The following UPRT variants were observed in gnomAD, a reference collection of about 807,000 sequenced individuals.
UPRT encodes uracil phosphoribosyltransferase homolog.
A neutral mutation model predicts 22.6 loss-of-function variants in UPRT; 5 were observed. The ratio of observed to expected loss-of-function variants is 0.22; its 90% CI spans 0.12 to 0.47. UPRT has a LOEUF of 0.47. Among genes scored for constraint, UPRT ranks in the 20% least tolerant of loss-of-function variants. The probability of loss-of-function intolerance (pLI) is 0.99; values close to 1 mark genes in which losing one functional copy is unlikely to be tolerated. For missense variants in UPRT, 181 were observed against 239.9 expected (o/e 0.75, Z 1.62); for synonymous variants, 77 against 87.7 (o/e 0.88, Z 0.68).
chrX:75,171,955 T>C (rs746110107), intron 4 of UPRT, among the ~76,000 whole-genome samples: 13 of 111,697 alleles, frequency 1.2e-4, no homozygotes, highest in Non-Finnish European at 2.1e-4. Context: ...CTCTCAGCCA[T>C]GGATACCAGC....
At chrX:75,274,072 GC>G, upstream of UPRT, 1 of 592,496 alleles carries the variant, frequency 1.7e-6, no homozygotes, top group Non-Finnish European at 2.5e-6. Context: ...TCTGGTGTGG[GC>G]GGGAGTGAGC....
intron 4 of UPRT, among the ~76,000 whole-genome samples, chrX:75,251,009 C>CCATTTTT (rs1343446761): frequency 1.8e-5 from 2 of 111,932 alleles, no homozygotes; most frequent in Non-Finnish European, 3.8e-5. Context: ...CAAAATTCAA[C>CCATTTTT]AGCCATTCAT....
intron 4 of UPRT, among the ~76,000 whole-genome samples, chrX:75,215,185 C>T (rs780814950): frequency 9.9e-5 from 11 of 111,018 alleles, no homozygotes; most frequent in Non-Finnish European, 1.9e-4. Context: ...AATGAAATGA[C>T]AGCTGATCCA....
chrX:75,282,953 T>A (rs1307446863), intron 1 of UPRT, among the ~76,000 whole-genome samples: 2 of 111,800 alleles, frequency 1.8e-5, no homozygotes, highest in East Asian at 5.6e-4. Context: ...ATTTGGGAGG[T>A]CCTATGTTAG....
intron 4 of UPRT, among the ~76,000 whole-genome samples, chrX:75,184,750 A>C (rs759583164): frequency 1.0e-4 from 11 of 110,040 alleles, no homozygotes; most frequent in African/African-American, 3.6e-4. Flanking sequence ...CATCCCTTGT[A>C]AGTTGGATTC....
chrX:75,216,127 AAC>A (rs752276993), intron 4 of UPRT, among the ~76,000 whole-genome samples: 64 of 112,181 alleles, frequency 5.7e-4, no homozygotes, highest in African/African-American at 2.0e-3. Flanking sequence ...ATAAAACATT[AAC>A]ACATCAAATC....
intron 4 of UPRT, among the ~76,000 whole-genome samples, chrX:75,231,287 A>T (rs1035876447): frequency 8.9e-6 from 1 of 112,281 alleles, no homozygotes; most frequent in African/African-American, 3.2e-5. Flanking sequence ...GAAAGCACAC[A>T]TAGAGAAATG....
At chrX:75,249,212 T>C (rs1187740377) in intron 4 of UPRT, among the ~76,000 whole-genome samples, 6 of 111,473 alleles carry the variant, frequency 5.4e-5, no homozygotes, top group African/African-American at 2.0e-4. Context: ...ATAACAATAT[T>C]AACCTTAAAT....
Position 75,256,635 on chromosome X carries a change from GA to G in UPRT, c.-446-34380del, listed in dbSNP as rs1255774433. On this transcript the variant is annotated intron_variant, in intron 4 of 13. Transcript: ENST00000652605. ...ATAGGTCGTTAGCAAGATTAGCCAA[GA>G]AAAAAAAAGAGAAAATCCAAATAAA... Among the ~76,000 whole-genome samples, 4 of 108,533 alleles carry G rather than the reference GA, an allele frequency of 3.7e-5. No homozygotes were observed. The Admixed American group carries it at 3.9e-4, about 11-fold the overall frequency. 94.2% of individuals were successfully genotyped at this position (108,533 alleles called of 115,157 possible).
rs1472310698 is a variant in UPRT at position 75,274,318 on chromosome X, T to G, written c.64T>G (p.Ser22Ala). 1 of 1,211,609 alleles carries G rather than the reference T, an allele frequency of 8.3e-7. No homozygotes were observed. Among genetic ancestry groups the G allele is most frequent in the Admixed American group, 2.2e-5 (1 of 46,034 alleles). Residue 22 changes from serine to alanine, a missense_variant, in exon 1 of 7, where the codon TCA becomes GCA. Ser to Ala is a moderately conservative substitution (Grantham distance 99). Transcript: ENST00000373383. Reference protein sequence around the residue: ...PCHNQQVNSASTPSPEQLRPG... With the variant: ...PCHNQQVNSAATPSPEQLRPG... ...TCACAACCAGCAAGTAAACTCTGCC[T>G]CAACCCCAAGTCCCGAGCAGCTGCG...
chrX:75,197,526 A>T (rs190912211), intron 4 of UPRT, among the ~76,000 whole-genome samples: 12 of 112,255 alleles, frequency 1.1e-4, no homozygotes, highest in African/African-American at 3.9e-4. Flanking sequence ...TCTAGGGAGT[A>T]TAAGACATAT....
chrX:75,225,070 T>G (rs1352582650), intron 4 of UPRT, among the ~76,000 whole-genome samples: 2 of 110,831 alleles, frequency 1.8e-5, no homozygotes, highest in African/African-American at 6.6e-5. Context: ...TAGTTTGAGA[T>G]CTCAGCTTAC....
chrX:75,274,784 G>C, intron 1 of UPRT, 144 bp downstream of exon 1: 1 of 272,700 alleles, frequency 3.7e-6, no homozygotes, highest in Non-Finnish European at 6.2e-6. Flanking sequence ...TGGTGTGTGT[G>C]TGTGTGTGTG....
intron 4 of UPRT, among the ~76,000 whole-genome samples, chrX:75,252,614 C>T (rs1173609883): frequency 2.7e-5 from 3 of 111,870 alleles, no homozygotes; most frequent in African/African-American, 9.7e-5. Context: ...CTAGTTTAAC[C>T]ATTGTGGAAG....
intron 1 of UPRT, among the ~76,000 whole-genome samples, chrX:75,159,836 G>A (rs2082193866): frequency 1.0e-5 from 1 of 98,205 alleles, no homozygotes; most frequent in South Asian, 5.3e-4. Flanking sequence ...GAGTGCAGTG[G>A]CACAATCTCA....
intron 4 of UPRT, among the ~76,000 whole-genome samples, chrX:75,258,417 G>T (rs1441330282): frequency 4.5e-5 from 5 of 109,891 alleles, no homozygotes; most frequent in African/African-American, 1.7e-4. Context: ...GTTGACCTGG[G>T]ATGCTTGAGC....
At chrX:75,285,078 G>A (rs1024188166) in intron 1 of UPRT, among the ~76,000 whole-genome samples, 2 of 110,567 alleles carry the variant, frequency 1.8e-5, no homozygotes, top group African/African-American at 6.6e-5. Context: ...CAGGGAAGTG[G>A]GGGAAAGCCA....
intron 4 of UPRT, among the ~76,000 whole-genome samples, chrX:75,255,093 C>T (rs1309578029): frequency 3.6e-5 from 4 of 111,150 alleles, no homozygotes; most frequent in Non-Finnish European, 7.5e-5. Flanking sequence ...ATCTTAAGAG[C>T]TGTGAGACAA....
At chrX:75,240,126 G>A (rs917423261) in intron 4 of UPRT, among the ~76,000 whole-genome samples, 2 of 111,243 alleles carry the variant, frequency 1.8e-5, no homozygotes, top group African/African-American at 6.5e-5. Flanking sequence ...GAAATAAAGG[G>A]TATCCACATT....
Sources: allele counts gnomAD v4.1 joint callset (sites outside exome capture counted in the v4.1 genomes callset), GRCh38; gene constraint gnomAD v4.1.1; transcripts MANE v1.5; gene names NCBI Gene and HGNC (gene_info 2026-07-23, HGNC 2026-07-21).